METTL15: variants seen among roughly 807,000 people sequenced by gnomAD.
METTL15 encodes 12S rRNA N(4)-cytidine methyltransferase METTL15.
Under a neutral mutation model 38.3 loss-of-function variants are expected in METTL15, and 34 were observed. That is an observed-to-expected ratio of 0.89 (90% CI 0.68 to 1.18). METTL15 has a LOEUF of 1.18. Ranked by LOEUF, METTL15 falls within the 50% of genes most tolerant of loss-of-function variation. The pLI, the probability that METTL15 is intolerant of heterozygous loss-of-function variation, is 0.00. For missense variants in METTL15, 438 were observed against 498.4 expected, an observed-to-expected ratio of 0.88 and a Z score of 1.15; for synonymous variants, 162 against 170.9, an observed-to-expected ratio of 0.95 and a Z score of 0.41.
chr11:28,120,445 A>T (rs1288073694), intron 3 of METTL15, among the ~76,000 whole-genome samples: 1 of 152,024 alleles, frequency 6.6e-6, no homozygotes, highest in South Asian at 2.1e-4. Flanking sequence ...GTATTAAAAT[A>T]TCTTCTGAAA....
intron 6 of METTL15, among the ~76,000 whole-genome samples, chr11:28,445,738 A>G (rs142813591): frequency 0.01 from 1,594 of 152,102 alleles, 18 homozygotes; most frequent in Middle Eastern, 0.044. Context: ...TGCAGCCTCA[A>G]CCTCCTGGGC....
At chr11:28,529,521 C>T (rs951266942), downstream of METTL15, among the ~76,000 whole-genome samples, 11 of 146,910 alleles carry the variant, frequency 7.5e-5, no homozygotes, top group African/African-American at 2.5e-4. Flanking sequence ...CGCAGAAATT[C>T]ACCCTGATCT....
At chr11:28,154,064 T>C (rs951711233) in intron 3 of METTL15, among the ~76,000 whole-genome samples, 24 of 152,190 alleles carry the variant, frequency 1.6e-4, no homozygotes, top group African/African-American at 5.8e-4. Flanking sequence ...TTTTCTGTTA[T>C]TGATTCTTTC....
At chr11:28,148,275 AT>A (rs1374574438) in intron 3 of METTL15, among the ~76,000 whole-genome samples, 1 of 151,942 alleles carries the variant, frequency 6.6e-6, no homozygotes, top group Non-Finnish European at 1.5e-5. Flanking sequence ...TTTTTCTTGC[AT>A]TTTATGATAC....
At chr11:28,453,771 T>G (rs1340093615) in intron 6 of METTL15, among the ~76,000 whole-genome samples, 1 of 152,182 alleles carries the variant, frequency 6.6e-6, no homozygotes, top group African/African-American at 2.4e-5. Context: ...TAGCTTTCAC[T>G]ATGTGCGAGT....
chr11:28,531,334 A>G (rs538775012), downstream of METTL15, among the ~76,000 whole-genome samples: 1 of 152,126 alleles, frequency 6.6e-6, no homozygotes, highest in Admixed American at 6.6e-5. Context: ...ACCAATGTTG[A>G]TAAAATCCTT....
chr11:28,419,793 T>G (rs1850804485), intron 5 of METTL15, among the ~76,000 whole-genome samples: 1 of 152,070 alleles, frequency 6.6e-6, no homozygotes, highest in Non-Finnish European at 1.5e-5. Flanking sequence ...ATTCAGAATA[T>G]TATCAGATAA....
At chr11:28,348,685 TATG>T (rs1850017084) in intron 3 of METTL15, among the ~76,000 whole-genome samples, 1 of 12,284 alleles carries the variant, frequency 8.1e-5, no homozygotes, top group Non-Finnish European at 2.0e-4. Flanking sequence ...TCCATTTATG[TATG>T]TATGTATGTA....
At chr11:28,150,157 G>A (rs1850030847) in intron 3 of METTL15, among the ~76,000 whole-genome samples, 1 of 151,760 alleles carries the variant, frequency 6.6e-6, no homozygotes, top group Admixed American at 6.6e-5. Flanking sequence ...ATCTCCTACA[G>A]TGCTCTTTTG....
chr11:28,391,296 G>C (rs11493473), intron 5 of METTL15, among the ~76,000 whole-genome samples: 64,142 of 151,668 alleles, frequency 0.42, 14,982 homozygotes, highest in Admixed American at 0.54. Flanking sequence ...GAGGGCATCC[G>C]TGTCTTGTGC....
downstream of METTL15, among the ~76,000 whole-genome samples, chr11:28,530,726 A>G (rs983701891): frequency 6.6e-6 from 1 of 152,058 alleles, no homozygotes; most frequent in African/African-American, 2.4e-5. Context: ...TGTAATTTTC[A>G]TAGTTTGGAC....
At chr11:28,211,645 A>G (rs1852647266) in intron 4 of METTL15, among the ~76,000 whole-genome samples, 1 of 152,082 alleles carries the variant, frequency 6.6e-6, no homozygotes, top group South Asian at 2.1e-4. Flanking sequence ...ATTCACAAGT[A>G]AATCTAGAGT....
intron 3 of METTL15, among the ~76,000 whole-genome samples, chr11:28,190,795 T>G (rs1301763051): frequency 6.6e-6 from 1 of 151,274 alleles, no homozygotes; most frequent in East Asian, 1.9e-4. Context: ...TAATACAAAT[T>G]AAAATGTTAG....
intron 5 of METTL15, among the ~76,000 whole-genome samples, chr11:28,396,937 C>A (rs1850576366): frequency 1.3e-5 from 2 of 151,344 alleles, no homozygotes; most frequent in South Asian, 4.2e-4. Flanking sequence ...AATAATACCA[C>A]ACATGTACAA....
intron 3 of METTL15, among the ~76,000 whole-genome samples, chr11:28,348,284 T>C (rs1202654123): frequency 1.3e-5 from 2 of 152,222 alleles, no homozygotes; most frequent in African/African-American, 2.4e-5. Context: ...TGCCAAATGG[T>C]GAGTTTATAA....
intron 3 of METTL15, among the ~76,000 whole-genome samples, chr11:28,210,274 A>G (rs1422735110): frequency 1.3e-5 from 2 of 152,014 alleles, no homozygotes; most frequent in East Asian, 3.8e-4. Context: ...TTACTGGCAA[A>G]TGTTTCACTC....
chr11:28,422,589 C>G (rs916315864), intron 5 of METTL15, among the ~76,000 whole-genome samples: 2 of 151,950 alleles, frequency 1.3e-5, no homozygotes, highest in African/African-American at 2.4e-5. Context: ...AGAACATACA[C>G]TGGGAAAAGG....
At chr11:28,379,432 T>C (rs1850357969) in intron 5 of METTL15, among the ~76,000 whole-genome samples, 1 of 152,132 alleles carries the variant, frequency 6.6e-6, no homozygotes, top group Non-Finnish European at 1.5e-5. Context: ...TTTTAAGAAA[T>C]ATTTTAATTT....
At chr11:28,329,147 G>A (rs1849735364) in intron 6 of METTL15, among the ~76,000 whole-genome samples, 2 of 152,074 alleles carry the variant, frequency 1.3e-5, no homozygotes, top group Admixed American at 6.6e-5. Context: ...TATGATGTAA[G>A]AGTCTAATTA....
Sources: allele counts gnomAD v4.1 joint callset (sites outside exome capture counted in the v4.1 genomes callset), GRCh38; gene constraint gnomAD v4.1.1; transcripts MANE v1.5; gene names NCBI Gene and HGNC (gene_info 2026-07-23, HGNC 2026-07-21).